STAT3: variants seen among roughly 807,000 people sequenced by gnomAD.
STAT3 encodes DNA-binding protein APRF.
A neutral mutation model predicts 114.3 loss-of-function variants in STAT3; 7 were observed. The observed-to-expected ratio is 0.06, with a 90% CI of 0.03 to 0.11. The LOEUF is 0.11. Ranked by LOEUF, STAT3 falls within the 10% of genes least tolerant of loss-of-function variation. STAT3 has a pLI of 1.00. For synonymous variants in STAT3, 331 were observed against 354.5 expected (o/e 0.93, Z 0.74); for missense variants, 364 against 960.9 (o/e 0.38, Z 8.21).
At chr17:42,382,328 A>G (rs888973492) in intron 1 of STAT3, among the ~76,000 whole-genome samples, 1 of 152,232 alleles carries the variant, frequency 6.6e-6, no homozygotes, top group Non-Finnish European at 1.5e-5. Flanking sequence ...TGAATCGTCA[A>G]CAGTACCTAC....
chr17:42,319,119 T>C (rs2081361961), intron 21 of STAT3, among the ~76,000 whole-genome samples: 1 of 152,114 alleles, frequency 6.6e-6, no homozygotes, highest in Non-Finnish European at 1.5e-5. Context: ...ACGCCTGTAA[T>C]CCCAGCTACT....
intron 20 of STAT3, 150 bp downstream of exon 20, chr17:42,322,854 G>T: frequency 9.0e-7 from 1 of 1,107,248 alleles, no homozygotes. Context: ...GAAGGATTTA[G>T]AAGTCACGCA....
At chr17:42,320,037 G>A (rs1042132888) in intron 21 of STAT3, among the ~76,000 whole-genome samples, 2 of 152,186 alleles carry the variant, frequency 1.3e-5, no homozygotes, top group African/African-American at 4.8e-5. Context: ...CTCAGACTGG[G>A]AGGTGGGACC....
intron 1 of STAT3, 74 bp downstream of exon 1, chr17:42,388,205 C>T: frequency 8.1e-7 from 1 of 1,228,344 alleles, no homozygotes; most frequent in Non-Finnish European, 1.0e-6. Context: ...CCCAAGGTCC[C>T]AGAGGCCCCC....
Position 42,327,195 on chromosome 17 carries a change from C to A in STAT3, c.1282-996G>T, listed in dbSNP as rs138030004. On this transcript the variant is annotated intron_variant, in intron 14 of 23. Transcript: ENST00000264657. ...AATTCTCTGGGTGCCCTTCCCCAAC[C>A]CCATCCCCTTCCCTCCTCCCTCAGA... Among the ~76,000 whole-genome samples, 3 of 152,274 alleles carry A rather than the reference C, an allele frequency of 2.0e-5. No homozygotes were observed. The East Asian group carries it at 5.8e-4, about 29-fold the overall frequency.
chr17:42,342,100 T>C (rs1225397957), intron 4 of STAT3, among the ~76,000 whole-genome samples: 1 of 152,180 alleles, frequency 6.6e-6, no homozygotes, highest in Non-Finnish European at 1.5e-5. Context: ...CAAATGCCTG[T>C]GTGCTAACCT....
chr17:42,359,865 C>T (rs1459889121), intron 1 of STAT3, among the ~76,000 whole-genome samples: 3 of 151,730 alleles, frequency 2.0e-5, no homozygotes, highest in Non-Finnish European at 4.4e-5. Context: ...TCGAGACCAT[C>T]CTGGCTAACA....
At chr17:42,359,158 A>G (rs1171057108) in intron 1 of STAT3, among the ~76,000 whole-genome samples, 1 of 151,826 alleles carries the variant, frequency 6.6e-6, no homozygotes, top group Non-Finnish European at 1.5e-5. Context: ...GATGATCTCA[A>G]TCACCTGACC....
At chr17:42,318,695 C>T (rs867868919) in intron 21 of STAT3, among the ~76,000 whole-genome samples, 3 of 152,058 alleles carry the variant, frequency 2.0e-5, no homozygotes, top group Non-Finnish European at 2.9e-5. Flanking sequence ...GAGAACAGCA[C>T]GGTCATAAAA....
At chr17:42,354,806 C>CAAAAAAAAAAAAAAAAA (rs59204136) in intron 1 of STAT3, among the ~76,000 whole-genome samples, 1 of 104,440 alleles carries the variant, frequency 9.6e-6, no homozygotes. Flanking sequence ...GACTCTGTCT[C>CAAAAAAAAAAAAAAAAA]AAAAAAAAAA....
At chr17:42,330,629 C>T (rs1355752754) in intron 11 of STAT3, among the ~76,000 whole-genome samples, 3 of 151,000 alleles carry the variant, frequency 2.0e-5, no homozygotes, top group South Asian at 2.1e-4. Context: ...CGGGGTTTCA[C>T]CGTGTTACCC....
chr17:42,379,383 TTA>T (rs2084651058), intron 1 of STAT3, among the ~76,000 whole-genome samples: 5 of 152,182 alleles, frequency 3.3e-5, no homozygotes, highest in Admixed American at 3.3e-4. Context: ...TGAATACAGA[TTA>T]GTTTGCAAAG....
At chr17:42,382,580 T>C (rs1165474141) in intron 1 of STAT3, among the ~76,000 whole-genome samples, 1 of 152,212 alleles carries the variant, frequency 6.6e-6, no homozygotes, top group Non-Finnish European at 1.5e-5. Context: ...CCTTGGATCC[T>C]GCCTGACGCA....
chr17:42,358,846 T>C (rs964981226), intron 1 of STAT3, among the ~76,000 whole-genome samples: 3 of 152,116 alleles, frequency 2.0e-5, no homozygotes, highest in African/African-American at 7.2e-5. Flanking sequence ...ACAGCATCCC[T>C]CTGTGCTGGT....
intron 1 of STAT3, among the ~76,000 whole-genome samples, chr17:42,356,976 C>T (rs1301064962): frequency 2.0e-5 from 3 of 151,918 alleles, no homozygotes; most frequent in South Asian, 4.1e-4. Flanking sequence ...TTAGTAGAGA[C>T]GGCGCTTCAC....
rs1348376812 is a variant in STAT3 at position 42,326,105 on chromosome 17, G to A, written c.1365+11C>T. ...TACGTAGCCTCTCACCGATTCTGCT[G>A]CAGAACTTACCTCTAGGTCAATCTT... On this transcript the variant is annotated intron_variant, in intron 15 of 23. Transcript: ENST00000264657. 4 of 1,613,662 alleles carry A rather than the reference G, an allele frequency of 2.5e-6. No individual in the cohort carries two copies. Among genetic ancestry groups the A allele is most frequent in the Non-Finnish European group, 3.4e-6 (4 of 1,179,610 alleles).
At chr17:42,344,700 CAGAG>C (rs1044681517) in intron 4 of STAT3, among the ~76,000 whole-genome samples, 15 of 145,684 alleles carry the variant, frequency 1.0e-4, no homozygotes, top group African/African-American at 3.6e-4. Context: ...GCCTGGACGA[CAGAG>C]AGAGACTCTG....
intron 1 of STAT3, among the ~76,000 whole-genome samples, chr17:42,365,758 T>TGATA (rs1317129086): frequency 6.6e-6 from 1 of 150,674 alleles, no homozygotes; most frequent in Admixed American, 6.7e-5. Flanking sequence ...CGGGTTGAAG[T>TGATA]GATTCTCCTG....
chr17:42,334,359 C>A (rs1292566009), intron 8 of STAT3, among the ~76,000 whole-genome samples: 2 of 151,534 alleles, frequency 1.3e-5, no homozygotes, highest in African/African-American at 2.4e-5. Flanking sequence ...CGGCTCACTG[C>A]AACCTCCATT....
Sources: gnomAD v4.1 joint callset for allele counts (sites outside exome capture counted in the v4.1 genomes callset) on GRCh38, gnomAD v4.1.1 for gene constraint, MANE v1.5 for transcripts, NCBI Gene and HGNC (gene_info 2026-07-23, HGNC 2026-07-21) for gene names.